EPHA6: variants seen among roughly 807,000 people sequenced by gnomAD.
The protein encoded by EPHA6 is EPH receptor A6.
Under a neutral mutation model 112.0 loss-of-function variants are expected in EPHA6, and 50 were observed. The observed-to-expected ratio is 0.45, with a 90% CI of 0.36 to 0.56. EPHA6 has a LOEUF of 0.56. EPHA6 is among the 20% of genes least tolerant of loss of function. The pLI is 0.00. For missense variants in EPHA6, 1,280 were observed against 1,417.4 expected, an observed-to-expected ratio of 0.90 and a Z score of 1.56; for synonymous variants, 529 against 490.7, an observed-to-expected ratio of 1.08 and a Z score of -1.03.
At chr3:97,494,529 C>A (rs759195370) in intron 10 of EPHA6, among the ~76,000 whole-genome samples, 4 of 152,204 alleles carry the variant, frequency 2.6e-5, no homozygotes, top group Non-Finnish European at 5.9e-5. Flanking sequence ...AAGTAAAATA[C>A]CTTTACTCCT....
intron 13 of EPHA6, among the ~76,000 whole-genome samples, chr3:97,626,404 C>G (rs1050101866): frequency 4.6e-5 from 7 of 151,722 alleles, no homozygotes; most frequent in Non-Finnish European, 8.8e-5. Flanking sequence ...CATGAACACT[C>G]AACTCCCCAA....
intron 2 of EPHA6, among the ~76,000 whole-genome samples, chr3:96,920,914 G>T (rs2039725820): frequency 6.6e-6 from 1 of 151,914 alleles, no homozygotes; most frequent in Admixed American, 6.6e-5. Context: ...CCTTTAAGGG[G>T]AACAAAATTT....
At chr3:96,848,355 TA>T (rs2035196176) in intron 1 of EPHA6, among the ~76,000 whole-genome samples, 1 of 152,036 alleles carries the variant, frequency 6.6e-6, no homozygotes, top group Non-Finnish European at 1.5e-5. Context: ...TCAATTGTTA[TA>T]AAAATATTTA....
chr3:97,292,680 C>A (rs544044493), intron 5 of EPHA6, among the ~76,000 whole-genome samples: 1 of 150,334 alleles, frequency 6.7e-6, no homozygotes, highest in Admixed American at 6.6e-5. Flanking sequence ...TCCCAGCTAG[C>A]GTCCAGCTCT....
chr3:97,204,163 A>C (rs2077653784), intron 3 of EPHA6, among the ~76,000 whole-genome samples: 1 of 152,150 alleles, frequency 6.6e-6, no homozygotes, highest in Admixed American at 6.6e-5. Flanking sequence ...GTTTTACTTA[A>C]GGAATAGTGA....
chr3:96,887,514 C>T (rs918995608), intron 2 of EPHA6, among the ~76,000 whole-genome samples: 1 of 152,164 alleles, frequency 6.6e-6, no homozygotes, highest in Non-Finnish European at 1.5e-5. Context: ...TGCAACAGGA[C>T]TCCTTGAAGG....
In EPHA6 at chr3:97,142,789, C is replaced by CA. The variant is rs2075946210; in HGVS notation, c.1115-83473dup. Among the ~76,000 whole-genome samples the CA allele has an allele frequency of 2.0e-5, 3 of 151,838 alleles. No homozygotes were observed. The East Asian group carries it at 5.8e-4, about 29-fold the overall frequency. On this transcript the variant is annotated intron_variant, in intron 3 of 17. Transcript: ENST00000389672. ...TTCAATAAAATTCAAAATCTCTTTA[C>CA]AATAAAAACCCTCAACAAAGTAGAC... is the stretch of plus-strand genomic sequence containing the variant.
chr3:97,648,593 A>G, intron 14 of EPHA6: 1 of 1,161,792 alleles, frequency 8.6e-7, no homozygotes, highest in Non-Finnish European at 1.1e-6. Context: ...GCCTTTAAGT[A>G]CTTTCATTAA....
At chr3:96,897,239 CACAT>C (rs928909865) in intron 2 of EPHA6, among the ~76,000 whole-genome samples, 21 of 151,626 alleles carry the variant, frequency 1.4e-4, no homozygotes, top group African/African-American at 4.6e-4. Context: ...CACACACACA[CACAT>C]ACTGTTTATC....
chr3:97,267,879 A>G (rs1446514784), intron 5 of EPHA6, among the ~76,000 whole-genome samples: 2 of 152,206 alleles, frequency 1.3e-5, no homozygotes, highest in Non-Finnish European at 2.9e-5. Context: ...GACGAGATAA[A>G]GATGAGTAAC....
intron 11 of EPHA6, among the ~76,000 whole-genome samples, chr3:97,553,619 A>G (rs2093061407): frequency 6.6e-6 from 1 of 152,098 alleles, no homozygotes. Flanking sequence ...AGAGAACAGC[A>G]TGGGGGAAAC....
At chr3:97,170,922 A>C (rs1268394188) in intron 3 of EPHA6, among the ~76,000 whole-genome samples, 1 of 152,166 alleles carries the variant, frequency 6.6e-6, no homozygotes, top group Non-Finnish European at 1.5e-5. Context: ...TATGTTGAGG[A>C]TATTGTAAGC....
chr3:96,888,051 C>T (rs943092412), intron 2 of EPHA6, among the ~76,000 whole-genome samples: 3 of 152,106 alleles, frequency 2.0e-5, no homozygotes, highest in African/African-American at 7.2e-5. Context: ...TTTGACTCTT[C>T]CCCCACCTGT....
chr3:97,663,650 C>G (rs1447600632), intron 14 of EPHA6, among the ~76,000 whole-genome samples: 1 of 152,106 alleles, frequency 6.6e-6, no homozygotes, highest in Non-Finnish European at 1.5e-5. Flanking sequence ...CATGTCCCTA[C>G]AAAGGACATG....
At position 97,032,266 on chromosome 3, in the gene EPHA6, G is replaced by T. The variant is rs191945567; in HGVS notation, c.1114+44273G>T. Among the ~76,000 whole-genome samples, 648 of 152,164 alleles carry T rather than the reference G, an allele frequency of 4.3e-3. 5 individuals are homozygous for T. The highest frequency in any genetic ancestry group is 5.6e-3 in the Non-Finnish European group (382 of 67,990). ...GAACAATGAGAACAACTTGGACACA[G>T]GAAGGGGAACATCACACACCAGGGA... is the stretch of plus-strand genomic sequence containing the variant. On this transcript the variant is annotated intron_variant, in intron 3 of 17. Transcript: ENST00000389672.
intron 5 of EPHA6, among the ~76,000 whole-genome samples, chr3:97,306,801 A>G (rs1339080220): frequency 6.6e-6 from 1 of 151,800 alleles, no homozygotes; most frequent in Non-Finnish European, 1.5e-5. Flanking sequence ...GAATTTGGGC[A>G]TCCCCCTAAA....
intron 3 of EPHA6, among the ~76,000 whole-genome samples, chr3:97,153,751 C>T (rs567918776): frequency 6.6e-6 from 1 of 152,210 alleles, no homozygotes; most frequent in African/African-American, 2.4e-5. Context: ...ACCCTTCCTA[C>T]TATGAGAGCA....
chr3:97,346,586 A>C (rs2083542190), intron 5 of EPHA6, among the ~76,000 whole-genome samples: 1 of 152,078 alleles, frequency 6.6e-6, no homozygotes, highest in African/African-American at 2.4e-5. Context: ...CTGATTAGTA[A>C]GGGAAAGGAG....
chr3:97,160,689 A>C (rs892068742), intron 3 of EPHA6, among the ~76,000 whole-genome samples: 1 of 152,120 alleles, frequency 6.6e-6, no homozygotes, highest in Non-Finnish European at 1.5e-5. Flanking sequence ...CTAATCATCT[A>C]GCCATCATTG....
Sources: allele counts gnomAD v4.1 joint callset (sites outside exome capture counted in the v4.1 genomes callset), GRCh38; gene constraint gnomAD v4.1.1; transcripts MANE v1.5; gene names NCBI Gene and HGNC (gene_info 2026-07-23, HGNC 2026-07-21).